Variants in KCNU1 observed in about 807,000 individuals in gnomAD.
The protein encoded by KCNU1 is potassium channel subfamily U member 1.
A neutral mutation model predicts 126.8 loss-of-function variants in KCNU1; 93 were observed. The observed-to-expected ratio is 0.73, with a 90% CI of 0.62 to 0.87. The LOEUF is 0.87. Ranked by LOEUF, KCNU1 falls within the 40% of genes least tolerant of loss-of-function variation. KCNU1 has a pLI of 0.00. For missense variants in KCNU1, 1,330 were observed against 1,367.1 expected, an observed-to-expected ratio of 0.97 and a Z score of 0.43; for synonymous variants, 523 against 494.2, an observed-to-expected ratio of 1.06 and a Z score of -0.77.
chr8:36,836,220 A>T, intron 12 of KCNU1, 76 bp from the exon 13 acceptor site: 2 of 907,760 alleles, frequency 2.2e-6, no homozygotes, highest in Non-Finnish European at 3.6e-6. Context: ...ATATCAATTT[A>T]ACTCTGAATT....
At chr8:36,793,870 A>G (rs1802992211) in intron 2 of KCNU1, among the ~76,000 whole-genome samples, 1 of 151,974 alleles carries the variant, frequency 6.6e-6, no homozygotes, top group Non-Finnish European at 1.5e-5. Flanking sequence ...CCTGACCAAC[A>G]TGGTGAAACC....
intron 19 of KCNU1, among the ~76,000 whole-genome samples, chr8:36,895,550 T>A (rs1719780414): frequency 6.6e-6 from 1 of 152,152 alleles, no homozygotes; most frequent in Admixed American, 6.6e-5. Context: ...AGAGCTAACA[T>A]GTGAAACTTA....
intron 19 of KCNU1, among the ~76,000 whole-genome samples, chr8:36,879,301 C>T (rs1806391367): frequency 6.9e-6 from 1 of 145,014 alleles, no homozygotes; most frequent in Non-Finnish European, 1.5e-5. Flanking sequence ...TATATATACC[C>T]ATATATGCTG....
At chr8:36,900,378 A>T (rs1807365637) in intron 19 of KCNU1, among the ~76,000 whole-genome samples, 1 of 152,068 alleles carries the variant, frequency 6.6e-6, no homozygotes, top group South Asian at 2.1e-4. Context: ...CCAAGGTAAA[A>T]TAAAACGCCT....
intron 18 of KCNU1, among the ~76,000 whole-genome samples, chr8:36,849,554 C>T (rs113605823): frequency 4.7e-4 from 72 of 152,292 alleles, no homozygotes; most frequent in African/African-American, 1.6e-3. Context: ...CAGGCCACTG[C>T]GCTCCAGCCT....
chr8:36,911,673 T>C (rs907659153), intron 22 of KCNU1, among the ~76,000 whole-genome samples: 1 of 152,164 alleles, frequency 6.6e-6, no homozygotes, highest in Non-Finnish European at 1.5e-5. Context: ...TAGAAGGAGA[T>C]GGTGAGGGAG....
chr8:36,892,890 G>A (rs185349473), intron 19 of KCNU1, among the ~76,000 whole-genome samples: 1 of 152,076 alleles, frequency 6.6e-6, no homozygotes, highest in East Asian at 1.9e-4. Flanking sequence ...ACATGCACAT[G>A]GTTTTATTTT....
intron 2 of KCNU1, among the ~76,000 whole-genome samples, chr8:36,793,970 C>A (rs1307268160): frequency 6.7e-6 from 1 of 148,454 alleles, no homozygotes; most frequent in Non-Finnish European, 1.5e-5. Flanking sequence ...AGGAGAATCA[C>A]TTGAACCTGG....
chr8:36,805,388 T>C (rs1803460558), intron 4 of KCNU1, 103 bp downstream of exon 4: 1 of 709,374 alleles, frequency 1.4e-6, no homozygotes, highest in Non-Finnish European at 2.5e-6. Context: ...AGTTTTCAAC[T>C]CTAAAGATAG....
At chr8:36,837,322 A>G (rs1206956553) in intron 14 of KCNU1, among the ~76,000 whole-genome samples, 1 of 152,210 alleles carries the variant, frequency 6.6e-6, no homozygotes, top group East Asian at 1.9e-4. Flanking sequence ...ATTTCAATAT[A>G]AATTAAATCC....
At chr8:36,818,872 T>C (rs1804023053) in intron 10 of KCNU1, among the ~76,000 whole-genome samples, 1 of 152,200 alleles carries the variant, frequency 6.6e-6, no homozygotes, top group Non-Finnish European at 1.5e-5. Context: ...TCCGTTTAAG[T>C]AGCATCAGTG....
intron 16 of KCNU1, among the ~76,000 whole-genome samples, chr8:36,844,134 T>C (rs1223023889): frequency 6.6e-6 from 1 of 152,024 alleles, no homozygotes; most frequent in African/African-American, 2.4e-5. Context: ...ATCTCAGCAG[T>C]TTGGGAGGCC....
chr8:36,787,201 G>A, intron 1 of KCNU1, 105 bp from the exon 2 acceptor site: 5 of 1,009,770 alleles, frequency 5.0e-6, no homozygotes, highest in Non-Finnish European at 6.8e-6. Flanking sequence ...AAGGTGGAGT[G>A]ATTTTCGACT....
At chr8:36,804,332 C>T (rs543831869) in intron 3 of KCNU1, among the ~76,000 whole-genome samples, 207 of 152,250 alleles carry the variant, frequency 1.4e-3, no homozygotes, top group Non-Finnish European at 1.8e-3. Context: ...TGGTCTGCAA[C>T]CCCCACCCGA....
intron 19 of KCNU1, among the ~76,000 whole-genome samples, chr8:36,885,700 G>A (rs1378559548): frequency 6.6e-6 from 1 of 152,188 alleles, no homozygotes; most frequent in African/African-American, 2.4e-5. Flanking sequence ...GGCCGAGGCA[G>A]GAGAATCTCT....
At chr8:36,886,346 C>T (rs113176779) in intron 19 of KCNU1, among the ~76,000 whole-genome samples, 11 of 152,180 alleles carry the variant, frequency 7.2e-5, no homozygotes, top group African/African-American at 2.6e-4. Flanking sequence ...GCAAAGAATG[C>T]AAAAAGCCAA....
chr8:36,851,820 T>C (rs1214044584), intron 18 of KCNU1, among the ~76,000 whole-genome samples: 1 of 152,226 alleles, frequency 6.6e-6, no homozygotes, highest in African/African-American at 2.4e-5. Flanking sequence ...TCATGCAACC[T>C]CACTGAATGT....
At chr8:36,921,543 GT>G (rs1808346281) in intron 23 of KCNU1, among the ~76,000 whole-genome samples, 1 of 151,788 alleles carries the variant, frequency 6.6e-6, no homozygotes, top group African/African-American at 2.4e-5. Flanking sequence ...GCCGGACATG[GT>G]GGTACATGCC....
Position 36,836,306 on chromosome 8 carries a change from A to G in KCNU1, c.1306A>G (p.Ile436Val), listed in dbSNP as rs868591280. 3 of 1,604,280 alleles carry G rather than the reference A, an allele frequency of 1.9e-6. No individual in the cohort carries two copies. The highest frequency in any genetic ancestry group is 1.7e-6 in the Non-Finnish European group (2 of 1,171,762). Residue 436 changes from isoleucine to valine, a missense_variant, in exon 13 of 27, where the codon ATC becomes GTC. Ile to Val is a conservative substitution (Grantham distance 29). This residue lies in a region of KCNU1 where 1,054 missense variants were observed against 1,053.9 expected (regional missense o/e 1.00). Coordinates refer to ENST00000399881, the MANE Select transcript of KCNU1 (RefSeq NM_001031836.3). ...TTGGGGTTTATATAGGGTGCTCTCT[A>G]TCAAGAACTATGATTCTACCACCAG... ...DISNIMRVLS[I>V]KNYDSTTRII...
Sources: allele counts gnomAD v4.1 joint callset (sites outside exome capture counted in the v4.1 genomes callset), GRCh38; gene constraint gnomAD v4.1.1; regional missense constraint gnomAD v4.1.1; transcripts MANE v1.5; gene names NCBI Gene and HGNC (gene_info 2026-07-23, HGNC 2026-07-21).